The following OCIAD1 variants were observed in gnomAD, a reference collection of about 807,000 sequenced individuals.
OCIAD1 encodes the protein OCIA domain-containing protein 1.
In OCIAD1, 29 loss-of-function variants were observed where a neutral mutation model predicts 38.9. That is an observed-to-expected ratio of 0.74 (90% CI 0.55 to 1.02). OCIAD1 has a LOEUF of 1.02. OCIAD1 is among the 50% of genes least tolerant of loss of function. The pLI is 0.00. For synonymous variants in OCIAD1, 110 were observed against 92.0 expected, an observed-to-expected ratio of 1.20 and a Z score of -1.12; for missense variants, 288 against 289.6, an observed-to-expected ratio of 0.99 and a Z score of 0.04.
intron 7 of OCIAD1, chr4:48,852,555 T>C (rs778032933): frequency 1.3e-5 from 2 of 152,220 alleles, no homozygotes; most frequent in Non-Finnish European, 2.9e-5. Flanking sequence ...TGAATCATGA[T>C]TGACATTTGC....
At position 48,839,201 on chromosome 4, in the gene OCIAD1, C is replaced by T. The variant is rs555235163; in HGVS notation, c.140-3435C>T. 3.9e-5 allele frequency among the ~76,000 whole-genome samples: 6 copies of T among 152,070 alleles called. No homozygotes were observed. In the South Asian group the frequency reaches 6.2e-4, roughly 16 times the overall value. ...CTGTAATCCCAGCATTTTGAGAGGCCGAGGTGGGTGGATCACTTGAGGTCA... is the reference window on the plus strand; with the variant it reads ...CTGTAATCCCAGCATTTTGAGAGGCTGAGGTGGGTGGATCACTTGAGGTCA... On this transcript the variant is annotated intron_variant, in intron 3 of 8. Coordinates refer to ENST00000264312, the MANE Select transcript of OCIAD1 (RefSeq NM_017830.4).
chr4:48,831,429 G>C (rs1452795091), intron 1 of OCIAD1, 180 bp downstream of exon 1: 5 of 1,184,096 alleles, frequency 4.2e-6, no homozygotes, highest in South Asian at 1.3e-5. Flanking sequence ...AGTGCTTCTG[G>C]GGGTGTGAGC....
At chr4:48,826,045 C>G (rs529162394) in intron 1 of OCIAD1, among the ~76,000 whole-genome samples, 35 of 152,172 alleles carry the variant, frequency 2.3e-4, no homozygotes, top group Non-Finnish European at 4.3e-4. Flanking sequence ...GCCGTGTTGG[C>G]CAGACTGGTC....
chr4:48,811,700 T>C (rs1030790060), intron 1 of OCIAD1, among the ~76,000 whole-genome samples: 3 of 152,094 alleles, frequency 2.0e-5, no homozygotes, highest in African/African-American at 7.2e-5. Context: ...ATGGATATAC[T>C]TTGAAGATAA....
intron 4 of OCIAD1, among the ~76,000 whole-genome samples, chr4:48,845,238 C>T (rs1404571913): frequency 6.6e-6 from 1 of 152,172 alleles, no homozygotes; most frequent in African/African-American, 2.4e-5. Flanking sequence ...ATGAATGAGC[C>T]CTTCACTTTT....
chr4:48,809,030 A>T (rs967127296), intron 1 of OCIAD1, among the ~76,000 whole-genome samples: 1 of 152,124 alleles, frequency 6.6e-6, no homozygotes, highest in Non-Finnish European at 1.5e-5. Flanking sequence ...ATTCATCACC[A>T]CTTCAACCAT....
At chr4:48,816,135 C>G (rs1777139704) in intron 1 of OCIAD1, among the ~76,000 whole-genome samples, 1 of 152,110 alleles carries the variant, frequency 6.6e-6, no homozygotes. Context: ...ATGGGTAAGC[C>G]CTTCTCCCAT....
Position 48,842,260 on chromosome 4 carries a change from T to C in OCIAD1, c.140-376T>C, listed in dbSNP as rs536414430. Among the ~76,000 whole-genome samples, 155 of 152,364 alleles carry C rather than the reference T, an allele frequency of 1.0e-3. 1 individual carries two copies. The highest frequency in any genetic ancestry group is 4.1e-3 in the South Asian group (20 of 4,832). The stretch of plus-strand genomic sequence containing the variant: ...TTAGTCATTACTCAGTAGTGGTTCT[T>C]ACTTGTAACTTGTTTCTTACCTCTC... On this transcript the variant is annotated intron_variant, in intron 3 of 8. Transcript: ENST00000264312.
intron 7 of OCIAD1, among the ~76,000 whole-genome samples, chr4:48,852,891 T>TTTG (rs938066169): frequency 2.8e-5 from 4 of 144,356 alleles, no homozygotes; most frequent in African/African-American, 5.5e-5. Context: ...TGTTTTTTTT[T>TTTG]TTTTTTTTGA....
chr4:48,847,441 T>C (rs1345960700), intron 4 of OCIAD1, among the ~76,000 whole-genome samples: 1 of 152,230 alleles, frequency 6.6e-6, no homozygotes, highest in East Asian at 1.9e-4. Context: ...AGGTTTCTTC[T>C]TTCTAATAGG....
At chr4:48,844,160 A>G (rs1386800669) in intron 4 of OCIAD1, among the ~76,000 whole-genome samples, 3 of 152,182 alleles carry the variant, frequency 2.0e-5, no homozygotes, top group Non-Finnish European at 1.5e-5. Context: ...TGATGAAGAC[A>G]AATAGGCATA....
intron 1 of OCIAD1, among the ~76,000 whole-genome samples, chr4:48,825,787 C>T (rs1383091228): frequency 6.9e-6 from 1 of 144,322 alleles, no homozygotes; most frequent in Non-Finnish European, 1.5e-5. Flanking sequence ...CCTCCCTTCT[C>T]TCTCTTTCTC....
At chr4:48,826,557 T>C (rs1003124204), upstream of OCIAD1, among the ~76,000 whole-genome samples, 6 of 152,180 alleles carry the variant, frequency 3.9e-5, no homozygotes, top group African/African-American at 1.2e-4. Context: ...GTTCTTTCCC[T>C]TTGCCAATTA....
At chr4:48,851,414 G>A (rs573278320) in intron 6 of OCIAD1, among the ~76,000 whole-genome samples, 5 of 152,272 alleles carry the variant, frequency 3.3e-5, no homozygotes, top group East Asian at 3.9e-4. Context: ...GAGGCCAGAC[G>A]CGGTGGCTCA....
At chr4:48,831,605 C>G in intron 1 of OCIAD1, 1 of 1,229,074 alleles carries the variant, frequency 8.1e-7, no homozygotes, top group Non-Finnish European at 1.1e-6. Flanking sequence ...ATGGTATTGT[C>G]TTAAGCGCCG....
chr4:48,819,625 C>A (rs987792515), intron 1 of OCIAD1, among the ~76,000 whole-genome samples: 3 of 147,744 alleles, frequency 2.0e-5, no homozygotes, highest in Non-Finnish European at 1.5e-5. Flanking sequence ...AGAGTCAAGA[C>A]CCCTCAGTGT....
At chr4:48,838,090 G>C (rs572582317) in intron 3 of OCIAD1, among the ~76,000 whole-genome samples, 1 of 152,258 alleles carries the variant, frequency 6.6e-6, no homozygotes, top group East Asian at 1.9e-4. Flanking sequence ...GGCTGAGGCA[G>C]GCAGATCACC....
Position 48,851,837 on chromosome 4 carries a change from A to G in OCIAD1, c.409A>G (p.Ser137Gly), listed in dbSNP as rs569407701. Residue 137 changes from serine (S) to glycine (G), a missense_variant, in exon 7 of 9, where the codon AGT (serine) becomes GGT (glycine). By Grantham distance (56) the Ser-to-Gly change is moderately conservative (BLOSUM62 0). Transcript: ENST00000264312. ...TTATCAAAAGTCAAAATATGACTCA[A>G]GTGTGAGTGGTCAATCATCTTTTGT... ...HYYQKSKYDS[S>G]VSGQSSFVTS... The G allele has an allele frequency of 9.9e-6, 16 of 1,612,856 alleles. 1 individual carries two copies. The African/African-American group carries it at 1.7e-4, about 17-fold the overall frequency.
chr4:48,809,052 C>T (rs1233631869), intron 1 of OCIAD1, among the ~76,000 whole-genome samples: 1 of 152,140 alleles, frequency 6.6e-6, no homozygotes, highest in African/African-American at 2.4e-5. Flanking sequence ...TTAGTTCAAG[C>T]CTTCATTTTT....
Sources: allele counts gnomAD v4.1 joint callset (sites outside exome capture counted in the v4.1 genomes callset), GRCh38; gene constraint gnomAD v4.1.1; transcripts MANE v1.5; gene names NCBI Gene and HGNC (gene_info 2026-07-23, HGNC 2026-07-21).